RALA: variants seen among roughly 807,000 people sequenced by gnomAD.
RALA encodes the protein RAS like proto-oncogene A, also known as ras-related protein Ral-A.
Under a neutral mutation model 24.0 loss-of-function variants are expected in RALA, and 5 were observed. The ratio of observed to expected loss-of-function variants is 0.21; its 90% CI spans 0.11 to 0.44. The LOEUF is 0.44. Ranked by LOEUF, RALA falls within the 20% of genes least tolerant of loss-of-function variation. The pLI is 0.99. For missense variants in RALA, 95 were observed against 241.2 expected, an observed-to-expected ratio of 0.39 and a Z score of 4.01; for synonymous variants, 77 against 83.8, an observed-to-expected ratio of 0.92 and a Z score of 0.44.
chr7:39,656,580 G>A (rs1485200509), intron 1 of RALA, among the ~76,000 whole-genome samples: 3 of 152,188 alleles, frequency 2.0e-5, no homozygotes, highest in Non-Finnish European at 4.4e-5. Flanking sequence ...TCTTCATACA[G>A]CACCTGTTAC....
chr7:39,626,514 A>G (rs917707829), intron 1 of RALA, among the ~76,000 whole-genome samples: 1 of 152,200 alleles, frequency 6.6e-6, no homozygotes, highest in Non-Finnish European at 1.5e-5. Flanking sequence ...TTGGACATCA[A>G]GTGTGGCCTG....
rs550881836 is a variant in RALA, at chr7:39,630,928, T to C, written c.-38+7103T>C. Among the ~76,000 whole-genome samples, 42 of 151,786 alleles carry C rather than the reference T, an allele frequency of 2.8e-4. No homozygotes were observed. In the South Asian group the frequency reaches 7.3e-3, roughly 26 times the overall value. On this transcript the variant is annotated intron_variant, in intron 1 of 4. Coordinates refer to ENST00000005257, the MANE Select transcript of RALA (RefSeq NM_005402.4). ...CACCCATTATAGCGCTTCCTCTTCATTGTTTTTCTTGCCTTCTTGTATGAA... is the reference window on the plus strand; with the variant it reads ...CACCCATTATAGCGCTTCCTCTTCACTGTTTTTCTTGCCTTCTTGTATGAA...
At chr7:39,697,949 G>GT (rs1491469512) in intron 4 of RALA, among the ~76,000 whole-genome samples, 4 of 15,052 alleles carry the variant, frequency 2.7e-4, no homozygotes, top group South Asian at 9.4e-3. Context: ...ACTAGGGCAA[G>GT]TGTGTGTGTG....
chr7:39,645,494 C>T (rs918491166), intron 1 of RALA, among the ~76,000 whole-genome samples: 2 of 152,060 alleles, frequency 1.3e-5, no homozygotes, highest in Non-Finnish European at 2.9e-5. Flanking sequence ...AGGGTTTTTT[C>T]TTCAGAAATT....
At chr7:39,636,385 T>G (rs1214238032) in intron 1 of RALA, among the ~76,000 whole-genome samples, 1 of 152,220 alleles carries the variant, frequency 6.6e-6, no homozygotes, top group Non-Finnish European at 1.5e-5. Context: ...TGTCTTATCT[T>G]TTTTATTATA....
intron 1 of RALA, among the ~76,000 whole-genome samples, chr7:39,652,591 A>G (rs1190590072): frequency 1.3e-5 from 2 of 152,150 alleles, no homozygotes; most frequent in African/African-American, 4.8e-5. Context: ...TGGAGTGGAT[A>G]TAAGAATAAA....
intron 4 of RALA, among the ~76,000 whole-genome samples, chr7:39,702,193 A>G (rs1434876757): frequency 6.6e-6 from 1 of 152,206 alleles, no homozygotes; most frequent in East Asian, 1.9e-4. Context: ...ATATAGAAAC[A>G]TAAGGAGGAA....
intron 2 of RALA, among the ~76,000 whole-genome samples, chr7:39,689,094 C>T (rs1792764277): frequency 6.6e-6 from 1 of 152,148 alleles, no homozygotes; most frequent in Non-Finnish European, 1.5e-5. Flanking sequence ...GATCCAGTCA[C>T]CTCCCACCTG....
chr7:39,702,813 C>G (rs1793052543), intron 4 of RALA, among the ~76,000 whole-genome samples: 1 of 152,056 alleles, frequency 6.6e-6, no homozygotes, highest in African/African-American at 2.4e-5. Context: ...AAAAGTTGAT[C>G]TCATAGAAGT....
intron 1 of RALA, among the ~76,000 whole-genome samples, chr7:39,678,529 G>C (rs971270875): frequency 2.6e-5 from 4 of 152,172 alleles, no homozygotes; most frequent in Non-Finnish European, 5.9e-5. Flanking sequence ...TTGAAAACTT[G>C]AAGCCCACCC....
At chr7:39,695,456 G>A (rs144420756) in intron 3 of RALA, among the ~76,000 whole-genome samples, 1 of 151,200 alleles carries the variant, frequency 6.6e-6, no homozygotes, top group East Asian at 1.9e-4. Flanking sequence ...CTGTCATCCA[G>A]GCTAGAGTAC....
chr7:39,695,949 C>G (rs117490285), intron 3 of RALA, among the ~76,000 whole-genome samples: 1 of 152,098 alleles, frequency 6.6e-6, no homozygotes, highest in Admixed American at 6.5e-5. Context: ...TTTACTCTGT[C>G]GATGCAGTTA....
intron 1 of RALA, among the ~76,000 whole-genome samples, chr7:39,672,230 C>T (rs978432427): frequency 2.0e-5 from 3 of 151,986 alleles, no homozygotes; most frequent in African/African-American, 7.3e-5. Context: ...ACTTAAAAGA[C>T]AAAACAAAAG....
At chr7:39,686,802 G>A (rs1340455799) in intron 2 of RALA, 21 bp downstream of exon 2, 3 of 1,559,176 alleles carry the variant, frequency 1.9e-6, no homozygotes, top group Non-Finnish European at 2.7e-6. Context: ...ATTTTATAAT[G>A]GATCAAAGTT....
At chr7:39,700,038 T>C (rs1291346649) in intron 4 of RALA, among the ~76,000 whole-genome samples, 1 of 152,154 alleles carries the variant, frequency 6.6e-6, no homozygotes, top group Non-Finnish European at 1.5e-5. Flanking sequence ...GCTGCGGGAC[T>C]TGAGTAGGTA....
intron 1 of RALA, among the ~76,000 whole-genome samples, chr7:39,678,597 G>A (rs1792530354): frequency 6.6e-6 from 1 of 152,008 alleles, no homozygotes; most frequent in Non-Finnish European, 1.5e-5. Context: ...AAAGTTGAAC[G>A]GTAAGAGACA....
At chr7:39,675,126 T>C (rs1792461760) in intron 1 of RALA, among the ~76,000 whole-genome samples, 1 of 152,098 alleles carries the variant, frequency 6.6e-6, no homozygotes, top group Non-Finnish European at 1.5e-5. Flanking sequence ...TTTTAATAAT[T>C]ATGTGTGTGA....
At chr7:39,675,623 G>A (rs1286704760) in intron 1 of RALA, among the ~76,000 whole-genome samples, 1 of 152,006 alleles carries the variant, frequency 6.6e-6, no homozygotes, top group African/African-American at 2.4e-5. Context: ...TTACTCAGGT[G>A]GCTGAGGTGG....
Position 39,706,236 on chromosome 7 carries a change from C to T in RALA, c.612C>T (p.Cys204=). Residue 204 remains cysteine, a synonymous_variant, in exon 5 of 5, where the codon TGC becomes TGT. Transcript: ENST00000005257. Reference sequence around the variant, plus strand: ...CCAAGAGAATCAGAGAAAGATGCTGCATTTTATAATCAAAGCCCAAACTCC... The same window carrying T: ...CCAAGAGAATCAGAGAAAGATGCTGTATTTTATAATCAAAGCCCAAACTCC... ...SLAKRIRERC[C]IL 3 of 1,605,896 alleles carry T rather than the reference C, an allele frequency of 1.9e-6. No homozygotes were observed. Among genetic ancestry groups the T allele is most frequent in the South Asian group, 1.1e-5 (1 of 89,152 alleles).
Sources: gnomAD v4.1 joint callset for allele counts (sites outside exome capture counted in the v4.1 genomes callset) on GRCh38, gnomAD v4.1.1 for gene constraint, MANE v1.5 for transcripts, NCBI Gene and HGNC (gene_info 2026-07-23, HGNC 2026-07-21) for gene names.